Variants in ACAP2 observed in about 807,000 individuals in gnomAD.
ACAP2 encodes the protein ArfGAP with coiled-coil, ankyrin repeat and PH domains 2.
Under a neutral mutation model 115.8 loss-of-function variants are expected in ACAP2, and 39 were observed. That is an observed-to-expected ratio of 0.34 (90% CI 0.26 to 0.44). The LOEUF is 0.44. Among genes scored for constraint, ACAP2 ranks in the 20% least tolerant of loss-of-function variants. The probability of loss-of-function intolerance (pLI) is 1.00; values close to 1 mark genes in which losing one functional copy is unlikely to be tolerated. For synonymous variants in ACAP2, 289 were observed against 315.8 expected, an observed-to-expected ratio of 0.92 and a Z score of 0.90; for missense variants, 662 against 927.6, an observed-to-expected ratio of 0.71 and a Z score of 3.72.
chr3:195,309,156 G>C (rs1263034947), intron 10 of ACAP2, among the ~76,000 whole-genome samples: 3 of 152,158 alleles, frequency 2.0e-5, no homozygotes, highest in Non-Finnish European at 2.9e-5. Context: ...CAAATTTACA[G>C]CTTTTGAGGT....
chr3:195,356,498 CAATGCGGCT>C (rs1352043203), intron 4 of ACAP2, among the ~76,000 whole-genome samples: 1 of 152,100 alleles, frequency 6.6e-6, no homozygotes, highest in Non-Finnish European at 1.5e-5. Flanking sequence ...AGACACCAGC[CAATGCGGCT>C]AAGGGAGCGC....
chr3:195,389,044 TAAAAAAA>T (rs769670440), intron 2 of ACAP2, among the ~76,000 whole-genome samples: 1 of 135,486 alleles, frequency 7.4e-6, no homozygotes, highest in Admixed American at 7.4e-5. Flanking sequence ...AATTAAAAAT[TAAAAAAA>T]AAAAAAAGAA....
rs374330777 is a variant in ACAP2, at chr3:195,427,058, T to A, written c.53+15737A>T. Among the ~76,000 whole-genome samples, 7 of 152,192 alleles carry A rather than the reference T, an allele frequency of 4.6e-5. 1 individual carries two copies. The East Asian group carries it at 1.4e-3, about 29-fold the overall frequency. The stretch of plus-strand genomic sequence containing the variant: ...TTGAGATTGGGAGATTATTCTGGAA[T>A]GTCAGCCCAACATTATCACAAGGGT... On this transcript the variant is annotated intron_variant, in intron 1 of 22. Coordinates refer to ENST00000326793, the MANE Select transcript of ACAP2 (RefSeq NM_012287.6).
chr3:195,367,518 A>C (rs1404492279), intron 4 of ACAP2, among the ~76,000 whole-genome samples: 1 of 152,200 alleles, frequency 6.6e-6, no homozygotes, highest in African/African-American at 2.4e-5. Context: ...TATGACCACC[A>C]TCAATTCCTC....
intron 9 of ACAP2, among the ~76,000 whole-genome samples, chr3:195,324,143 A>C (rs1002676467): frequency 3.3e-5 from 5 of 152,230 alleles, no homozygotes; most frequent in Admixed American, 6.5e-5. Flanking sequence ...AAATGAGATA[A>C]AGACTAATAG....
At chr3:195,442,611 G>GC (rs1716102209) in intron 1 of ACAP2, among the ~76,000 whole-genome samples, 184 bp downstream of exon 1, 2 of 152,168 alleles carry the variant, frequency 1.3e-5, no homozygotes, top group Non-Finnish European at 2.9e-5. Flanking sequence ...CCACTTCGTC[G>GC]CCCCTCGGGA....
intron 1 of ACAP2, among the ~76,000 whole-genome samples, chr3:195,423,050 C>T (rs1714310131): frequency 6.6e-6 from 1 of 151,762 alleles, no homozygotes; most frequent in Non-Finnish European, 1.5e-5. Flanking sequence ...ATAACAGGCA[C>T]AAATGGGAAC....
chr3:195,349,028 G>A (rs1731365741), intron 4 of ACAP2, among the ~76,000 whole-genome samples: 1 of 151,812 alleles, frequency 6.6e-6, no homozygotes, highest in Admixed American at 6.6e-5. Flanking sequence ...TTTATCCACA[G>A]ATGATGTGAT....
intron 1 of ACAP2, among the ~76,000 whole-genome samples, chr3:195,436,957 A>T (rs1715589136): frequency 6.6e-6 from 1 of 152,240 alleles, no homozygotes. Context: ...TGGGGTAGGG[A>T]AACTTTGCTA....
At chr3:195,412,231 AAG>A (rs1378911021) in intron 1 of ACAP2, among the ~76,000 whole-genome samples, 1 of 151,240 alleles carries the variant, frequency 6.6e-6, no homozygotes, top group Non-Finnish European at 1.5e-5. Flanking sequence ...AAAATAAATA[AAG>A]AAGAAGAATT....
intron 9 of ACAP2, 40 bp from the exon 10 acceptor site, chr3:195,320,853 CT>C: frequency 2.2e-6 from 3 of 1,365,908 alleles, no homozygotes; most frequent in Non-Finnish European, 3.1e-6. Context: ...TATGACTTGA[CT>C]AAGTTTCCTA....
chr3:195,298,621 G>A (rs151187044), intron 15 of ACAP2, among the ~76,000 whole-genome samples: 1 of 151,820 alleles, frequency 6.6e-6, no homozygotes, highest in African/African-American at 2.4e-5. Context: ...TCCCTCTTCT[G>A]TCATTTCCAT....
At chr3:195,355,281 C>CTTT (rs11345721) in intron 4 of ACAP2, among the ~76,000 whole-genome samples, 2,618 of 126,782 alleles carry the variant, frequency 0.021, 50 homozygotes, top group African/African-American at 0.035. Flanking sequence ...TCTTTTTCTT[C>CTTT]TTTTTTTTTT....
At chr3:195,330,206 G>C (rs993872719) in intron 8 of ACAP2, among the ~76,000 whole-genome samples, 2 of 151,996 alleles carry the variant, frequency 1.3e-5, no homozygotes, top group African/African-American at 4.8e-5. Flanking sequence ...TTCCACCCTC[G>C]AATTGGCTGT....
At chr3:195,318,499 A>G (rs1188318935) in intron 10 of ACAP2, among the ~76,000 whole-genome samples, 1 of 152,154 alleles carries the variant, frequency 6.6e-6, no homozygotes, top group Non-Finnish European at 1.5e-5. Flanking sequence ...GAGATGAAGA[A>G]CTTATTGGGA....
chr3:195,365,394 T>TA (rs1467661856), intron 4 of ACAP2, among the ~76,000 whole-genome samples: 4 of 152,168 alleles, frequency 2.6e-5, no homozygotes, highest in Admixed American at 2.6e-4. Flanking sequence ...ACACACCTAC[T>TA]ATGCACCCAC....
chr3:195,410,901 CTGCCATTGAGG>C (rs1156570437), intron 1 of ACAP2: 2 of 243,466 alleles, frequency 8.2e-6, no homozygotes, highest in African/African-American at 4.7e-5. Context: ...CTTCCACCTT[CTGCCATTGAGG>C]ACACATCAAC....
rs572897506 is a variant in ACAP2 at position 195,376,275 on chromosome 3, T to C, written c.285+4734A>G. Among the ~76,000 whole-genome samples, 3 of 152,078 alleles carry C rather than the reference T, an allele frequency of 2.0e-5. No individual in the cohort carries two copies. The South Asian group carries it at 6.2e-4, about 32-fold the overall frequency. ...CGGGTGTGGTGGTGGGTGCCTGTAG[T>C]CCCAGCTACTCGGGAGGCGGATGCA... On this transcript the variant is annotated intron_variant, in intron 4 of 22. Transcript: ENST00000326793.
chr3:195,422,011 A>C (rs1714230552), intron 1 of ACAP2, among the ~76,000 whole-genome samples: 1 of 152,196 alleles, frequency 6.6e-6, no homozygotes, highest in Non-Finnish European at 1.5e-5. Flanking sequence ...GAAGTTTTGG[A>C]TACCAGACAA....
Sources: gnomAD v4.1 joint callset for allele counts (sites outside exome capture counted in the v4.1 genomes callset) on GRCh38, gnomAD v4.1.1 for gene constraint, MANE v1.5 for transcripts, NCBI Gene and HGNC (gene_info 2026-07-23, HGNC 2026-07-21) for gene names.